The following DSCAM variants were observed in gnomAD, a reference collection of about 807,000 sequenced individuals.
The protein encoded by DSCAM is cell adhesion molecule DSCAM.
A neutral mutation model predicts 217.7 loss-of-function variants in DSCAM; 47 were observed. That is an observed-to-expected ratio of 0.22 (90% CI 0.17 to 0.28). DSCAM has a LOEUF of 0.28. DSCAM is among the 10% of genes least tolerant of loss of function. The pLI is 1.00. For missense variants in DSCAM, 2,080 were observed against 2,618.3 expected (o/e 0.79, Z 4.49); for synonymous variants, 1,056 against 1,015.3 (o/e 1.04, Z -0.76).
chr21:40,119,786 T>C (rs1159238402), intron 20 of DSCAM, among the ~76,000 whole-genome samples: 1 of 152,062 alleles, frequency 6.6e-6, no homozygotes, highest in Admixed American at 6.6e-5. Context: ...AACGACGTTT[T>C]AATACAGCCA....
intron 8 of DSCAM, among the ~76,000 whole-genome samples, chr21:40,321,037 A>G (rs1050665834): frequency 1.3e-5 from 2 of 152,240 alleles, no homozygotes; most frequent in Non-Finnish European, 2.9e-5. Flanking sequence ...GAATCATACT[A>G]CACATTACAA....
In DSCAM at chr21:40,369,321, A is replaced by G. The variant is rs1433844647; in HGVS notation, c.509-76T>C. The G allele has an allele frequency of 1.3e-5, 19 of 1,464,316 alleles. No homozygotes were observed. In the Admixed American group the frequency reaches 4.0e-4, roughly 31 times the overall value. 90.7% of individuals were successfully genotyped at this position (1,464,316 alleles called of 1,614,324 possible). The stretch of plus-strand genomic sequence containing the variant: ...AACCACACAGACAAAGTCCTTAAAC[A>G]GTTTTTTTTTTCCCCCACCTGAAGA... On this transcript the variant is annotated intron_variant, in intron 3 of 32. Coordinates refer to ENST00000400454, the MANE Select transcript of DSCAM (RefSeq NM_001389.5).
intron 5 of DSCAM, among the ~76,000 whole-genome samples, chr21:40,348,780 T>C (rs1317006464): frequency 1.3e-5 from 2 of 152,170 alleles, no homozygotes; most frequent in Non-Finnish European, 2.9e-5. Flanking sequence ...TTGCAACAAA[T>C]GCAATAATGT....
chr21:40,572,709 C>T (rs2076817725), intron 3 of DSCAM, among the ~76,000 whole-genome samples: 1 of 152,088 alleles, frequency 6.6e-6, no homozygotes, highest in Admixed American at 6.6e-5. Context: ...AAGTAATTAT[C>T]TTAAATGTGT....
intron 15 of DSCAM, among the ~76,000 whole-genome samples, chr21:40,172,142 G>A (rs1420185836): frequency 6.6e-6 from 1 of 152,162 alleles, no homozygotes; most frequent in Non-Finnish European, 1.5e-5. Context: ...AGTGGTACAT[G>A]CCCATAATCC....
At chr21:40,179,521 C>A (rs183785392) in intron 14 of DSCAM, among the ~76,000 whole-genome samples, 1 of 152,136 alleles carries the variant, frequency 6.6e-6, no homozygotes, top group East Asian at 1.9e-4. Context: ...ACCCCTGGGC[C>A]CCCCCAAAAT....
At position 40,284,807 on chromosome 21, in the gene DSCAM, C is replaced by T. The variant is rs532992380; in HGVS notation, c.2183-8537G>A. ...CTTCTTGATAACACACCACACCATC[C>T]AGGTGTGACACCGTCCAGGTTACTT... On this transcript the variant is annotated intron_variant, in intron 10 of 32. Transcript: ENST00000400454. 3.9e-5 allele frequency among the ~76,000 whole-genome samples: 6 copies of T among 152,324 alleles called. No individual in the cohort carries two copies. In the South Asian group the frequency reaches 1.2e-3, roughly 32 times the overall value.
chr21:40,621,607 T>C (rs1215679807), intron 3 of DSCAM, among the ~76,000 whole-genome samples: 1 of 151,496 alleles, frequency 6.6e-6, no homozygotes, highest in Admixed American at 6.6e-5. Flanking sequence ...CAGAGAAGAG[T>C]GCTGTTTGCC....
chr21:40,051,021 G>A lies in DSCAM; in HGVS notation c.5185+937C>T, dbSNP rs567271640. ...ATTACAATGTTATTTCGTAGGCAATGGGTTTACTTCATAAAGCTCACTGCA... is the reference window on the plus strand; with the variant it reads ...ATTACAATGTTATTTCGTAGGCAATAGGTTTACTTCATAAAGCTCACTGCA... On this transcript the variant is annotated intron_variant, in intron 30 of 32. Transcript: ENST00000400454. 3.9e-5 allele frequency among the ~76,000 whole-genome samples: 6 copies of A among 152,314 alleles called. No homozygotes were observed. In the South Asian group the frequency reaches 1.2e-3, roughly 32 times the overall value.
chr21:40,778,502 C>A (rs1186962159), intron 1 of DSCAM, among the ~76,000 whole-genome samples: 1 of 152,042 alleles, frequency 6.6e-6, no homozygotes, highest in Non-Finnish European at 1.5e-5. Context: ...GAAGAAGGTG[C>A]TTAGGTTATT....
chr21:40,700,722 T>C (rs1463470098), intron 2 of DSCAM, among the ~76,000 whole-genome samples: 2 of 149,580 alleles, frequency 1.3e-5, no homozygotes, highest in African/African-American at 5.0e-5. Flanking sequence ...TAATTTTTAT[T>C]CTTTCTTTCT....
intron 11 of DSCAM, among the ~76,000 whole-genome samples, chr21:40,200,253 T>C (rs1415557748): frequency 6.6e-6 from 1 of 152,168 alleles, no homozygotes; most frequent in Admixed American, 6.5e-5. Context: ...CCCAAACTTT[T>C]TCTTCTTCCC....
At chr21:40,569,968 T>C (rs1358611579) in intron 3 of DSCAM, among the ~76,000 whole-genome samples, 11 of 152,056 alleles carry the variant, frequency 7.2e-5, no homozygotes, top group African/African-American at 2.4e-4. Flanking sequence ...GTGAACAAAA[T>C]GAATGCCAAA....
intron 3 of DSCAM, among the ~76,000 whole-genome samples, chr21:40,532,693 G>T (rs1379247634): frequency 6.6e-6 from 1 of 152,152 alleles, no homozygotes; most frequent in Non-Finnish European, 1.5e-5. Flanking sequence ...ATCCTGATGA[G>T]GGGACATAAG....
At chr21:40,573,230 C>T (rs533064844) in intron 3 of DSCAM, among the ~76,000 whole-genome samples, 2 of 151,940 alleles carry the variant, frequency 1.3e-5, no homozygotes, top group Non-Finnish European at 2.9e-5. Context: ...CCCAGCTACT[C>T]AGGAGGCTGA....
chr21:40,690,226 C>A (rs1291037509), intron 3 of DSCAM, among the ~76,000 whole-genome samples: 1 of 152,202 alleles, frequency 6.6e-6, no homozygotes, highest in Non-Finnish European at 1.5e-5. Flanking sequence ...AGCTCAGACA[C>A]TGGGAACAGG....
intron 3 of DSCAM, among the ~76,000 whole-genome samples, chr21:40,510,642 C>T (rs1433699737): frequency 6.6e-6 from 1 of 152,206 alleles, no homozygotes; most frequent in Non-Finnish European, 1.5e-5. Context: ...CACACCAGAG[C>T]TGTCCTTTTT....
intron 21 of DSCAM, among the ~76,000 whole-genome samples, chr21:40,090,272 A>G (rs1023785095): frequency 2.0e-5 from 3 of 152,078 alleles, no homozygotes; most frequent in African/African-American, 7.2e-5. Flanking sequence ...ATGAAAAATA[A>G]TGAACCCAGA....
intron 32 of DSCAM, among the ~76,000 whole-genome samples, chr21:40,028,175 GGGGGTCC>G (rs1368873629): frequency 7.0e-5 from 7 of 100,228 alleles, no homozygotes; most frequent in Non-Finnish European, 1.2e-4. Flanking sequence ...TAGGCTGCTC[GGGGGTCC>G]GGGGTCAGGG....
Sources: gnomAD v4.1 joint callset for allele counts (sites outside exome capture counted in the v4.1 genomes callset) on GRCh38, gnomAD v4.1.1 for gene constraint, MANE v1.5 for transcripts, NCBI Gene and HGNC (gene_info 2026-07-23, HGNC 2026-07-21) for gene names.